The following LOC400499 variants were observed in gnomAD, a reference collection of about 807,000 sequenced individuals.
At chr16:11,485,711 T>TC in the LOC400499 span, among the ~76,000 whole-genome samples, 1 of 152,188 alleles carries the variant, frequency 6.6e-6, no homozygotes, top group Non-Finnish European at 1.5e-5. Context: ...TATGGACCCC[T>TC]CTCCTTCTAT....
chr16:11,430,180 C>T, the LOC400499 span, among the ~76,000 whole-genome samples: 6 of 152,150 alleles, frequency 3.9e-5, no homozygotes, highest in South Asian at 2.1e-4. Context: ...CATGACTGCC[C>T]GGTACCCTTC....
chr16:11,429,390 G>C, the LOC400499 span, among the ~76,000 whole-genome samples: 2 of 152,212 alleles, frequency 1.3e-5, no homozygotes, highest in African/African-American at 2.4e-5. Flanking sequence ...CCAGTCTCCG[G>C]ATGTGAAAGC....
chr16:11,498,313 T>A, the LOC400499 span, among the ~76,000 whole-genome samples: 1 of 152,012 alleles, frequency 6.6e-6, no homozygotes, highest in Non-Finnish European at 1.5e-5. Flanking sequence ...AAATCCCATT[T>A]CTACTAAAAA....
At chr16:11,434,688 T>C in the LOC400499 span, among the ~76,000 whole-genome samples, 6 of 152,200 alleles carry the variant, frequency 3.9e-5, no homozygotes, top group African/African-American at 1.4e-4. Flanking sequence ...CTACTGAGCA[T>C]GCTCACTGGC....
At chr16:11,516,529 C>A in the LOC400499 span, among the ~76,000 whole-genome samples, 2 of 152,170 alleles carry the variant, frequency 1.3e-5, no homozygotes, top group African/African-American at 4.8e-5. Context: ...CACCCCGGGA[C>A]AAATGGACAG....
the LOC400499 span, among the ~76,000 whole-genome samples, chr16:11,461,344 C>T: frequency 2.6e-5 from 4 of 152,126 alleles, no homozygotes; most frequent in African/African-American, 7.2e-5. Context: ...CTTAGCCTCC[C>T]GAGTAGCTGG....
chr16:11,491,771 C>T, the LOC400499 span: 1 of 398,540 alleles, frequency 2.5e-6, no homozygotes, highest in Non-Finnish European at 4.4e-6. Context: ...GGCATCTCAT[C>T]AGGGCCAGGT....
chr16:11,479,743 A>G, the LOC400499 span, among the ~76,000 whole-genome samples: 1 of 152,178 alleles, frequency 6.6e-6, no homozygotes, highest in East Asian at 1.9e-4. Flanking sequence ...TGCATGGTGC[A>G]AACTAACAAA....
the LOC400499 span, among the ~76,000 whole-genome samples, chr16:11,507,606 T>C: frequency 1.1e-4 from 16 of 152,312 alleles, no homozygotes; most frequent in South Asian, 2.7e-3. Flanking sequence ...CCGGAGCTTA[T>C]TGTCTGAGCA....
chr16:11,446,788 A>C, the LOC400499 span: 1 of 1,536,122 alleles, frequency 6.5e-7, no homozygotes, highest in African/African-American at 1.4e-5. Flanking sequence ...CATGGTCTGC[A>C]GGGTTTCCTC....
At chr16:11,482,130 G>A in the LOC400499 span, among the ~76,000 whole-genome samples, 1 of 152,192 alleles carries the variant, frequency 6.6e-6, no homozygotes, top group Non-Finnish European at 1.5e-5. Context: ...GATGACACAG[G>A]CTCAACAATG....
the LOC400499 span, among the ~76,000 whole-genome samples, chr16:11,506,858 C>G: frequency 1.3e-5 from 2 of 152,236 alleles, no homozygotes; most frequent in South Asian, 4.1e-4. Flanking sequence ...GCAACCCAGG[C>G]AGGCCCTCAG....
At chr16:11,398,940 C>A in the LOC400499 span, among the ~76,000 whole-genome samples, 6 of 152,130 alleles carry the variant, frequency 3.9e-5, no homozygotes, top group Non-Finnish European at 7.4e-5. Context: ...CGCCATGCCC[C>A]GCTCGTGGCA....
At chr16:11,396,292 G>A in the LOC400499 span, 3 of 400,026 alleles carry the variant, frequency 7.5e-6, 1 homozygote, top group Non-Finnish European at 1.3e-5. Context: ...TGGAGGAGCT[G>A]CCTTGTCTTG....
At chr16:11,386,056 C>G in the LOC400499 span, among the ~76,000 whole-genome samples, 1 of 152,150 alleles carries the variant, frequency 6.6e-6, no homozygotes, top group Non-Finnish European at 1.5e-5. Context: ...GTCACACATA[C>G]AAGTCATCCA....
the LOC400499 span, among the ~76,000 whole-genome samples, chr16:11,511,082 G>A: frequency 6.2e-5 from 9 of 146,190 alleles, no homozygotes; most frequent in African/African-American, 1.0e-4. Flanking sequence ...CTGCAGCCTC[G>A]ACCTTCTGGG....
chr16:11,472,011 T>G, the LOC400499 span: 2 of 393,432 alleles, frequency 5.1e-6, no homozygotes, highest in African/African-American at 2.1e-5. Context: ...CTGCTGACAT[T>G]TGGGATCAGA....
the LOC400499 span, among the ~76,000 whole-genome samples, chr16:11,518,447 G>A: frequency 4.5e-4 from 69 of 152,108 alleles, no homozygotes; most frequent in East Asian, 8.8e-3. Context: ...ATGGGGTCTC[G>A]GCAGAGTCGG....
At chr16:11,418,161 T>A in the LOC400499 span, among the ~76,000 whole-genome samples, 14 of 152,078 alleles carry the variant, frequency 9.2e-5, no homozygotes, top group African/African-American at 3.1e-4. Flanking sequence ...GCGAAACAGG[T>A]TGCAAACCAC....
Sources: allele counts gnomAD v4.1 joint callset (sites outside exome capture counted in the v4.1 genomes callset), GRCh38; gene constraint gnomAD v4.1.1; transcripts MANE v1.5.